SSBP4: variants seen among roughly 807,000 people sequenced by gnomAD.
SSBP4 encodes the protein single stranded DNA binding protein 4.
A neutral mutation model predicts 64.6 loss-of-function variants in SSBP4; 33 were observed. The ratio of observed to expected loss-of-function variants is 0.51; its 90% CI spans 0.39 to 0.68. SSBP4 has a LOEUF of 0.68. Ranked by LOEUF, SSBP4 falls within the 30% of genes least tolerant of loss-of-function variation. The pLI is 0.00. For synonymous variants in SSBP4, 243 were observed against 224.0 expected (o/e 1.08, Z -0.76); for missense variants, 583 against 566.8 (o/e 1.03, Z -0.29).
At chr19:18,403,064 C>T in the SSBP4 span, among the ~76,000 whole-genome samples, 1 of 152,222 alleles carries the variant, frequency 6.6e-6, no homozygotes. Context: ...GGAGGCGAGA[C>T]GTATTGGCAG....
intron 17 of SSBP4, 138 bp downstream of exon 17, chr19:18,433,955 CT>C: frequency 1.7e-6 from 2 of 1,207,178 alleles, no homozygotes; most frequent in Non-Finnish European, 2.1e-6. Context: ...CCGCGGCATC[CT>C]TTCCCTCTCC....
chr19:18,410,703 AG>A, the SSBP4 span, among the ~76,000 whole-genome samples: 1 of 151,730 alleles, frequency 6.6e-6, no homozygotes, highest in Non-Finnish European at 1.5e-5. Context: ...TTGGGGTCTT[AG>A]CTCAGGGAGG....
chr19:18,405,498 A>C, the SSBP4 span, among the ~76,000 whole-genome samples: 1 of 32,880 alleles, frequency 3.0e-5, no homozygotes, highest in East Asian at 3.0e-4. Context: ...CTGTCTCTAC[A>C]AAAAAAAAAA....
At chr19:18,405,852 G>A in the SSBP4 span, among the ~76,000 whole-genome samples, 86 of 152,180 alleles carry the variant, frequency 5.7e-4, no homozygotes, top group Non-Finnish European at 1.1e-3. Context: ...TTAGTTAAGC[G>A]TGGTGGCGTG....
Position 18,433,571 on chromosome 19 carries a change from G to C in SSBP4, c.992-14G>C, listed in dbSNP as rs771933761. 1.3e-6 allele frequency: 2 copies of C among 1,546,120 alleles called. No individual in the cohort carries two copies. The highest frequency in any genetic ancestry group is 1.7e-6 in the Non-Finnish European group (2 of 1,146,116). On this transcript the variant is annotated splice_polypyrimidine_tract_variant and intron_variant, in intron 15 of 17. Transcript: ENST00000270061. ...CACGTCTGAGCCGGTGCCCGTGTCT[G>C]TCCGTGTCTGTAGGCTCGGGCGACA...
chr19:18,410,276 G>A, the SSBP4 span, among the ~76,000 whole-genome samples: 1 of 152,088 alleles, frequency 6.6e-6, no homozygotes, highest in African/African-American at 2.4e-5. Flanking sequence ...GATTACAGGC[G>A]TGAGCCACCC....
intron 4 of SSBP4, among the ~76,000 whole-genome samples, chr19:18,429,025 C>A (rs1025031678): frequency 6.6e-6 from 1 of 152,110 alleles, no homozygotes; most frequent in African/African-American, 2.4e-5. Flanking sequence ...GAACGCGCTT[C>A]CCAGGCGCGC....
At chr19:18,419,118 TACA>T (rs1972243701), upstream of SSBP4, 1 of 985,514 alleles carries the variant, frequency 1.0e-6, no homozygotes, top group Middle Eastern at 5.2e-4. Flanking sequence ...TGGCTGGGTG[TACA>T]ACAATGTGGG....
In SSBP4 at chr19:18,434,000, C is replaced by A. The variant is rs906853619; in HGVS notation, c.1128+183C>A. ...TCCCCACCCCCCACCACCTCCCGCT[C>A]CTATTTCACCGTCCCGATCCCATCC... On this transcript the variant is annotated intron_variant, in intron 17 of 17. Coordinates refer to ENST00000270061, the MANE Select transcript of SSBP4 (RefSeq NM_032627.5). The A allele has an allele frequency of 1.2e-5, 14 of 1,214,484 alleles. No homozygotes were observed. The Admixed American group carries it at 4.4e-4, about 38-fold the overall frequency. 75.2% of individuals were successfully genotyped at this position (1,214,484 alleles called of 1,614,324 possible).
At position 18,434,328 on chromosome 19, in the gene SSBP4, C is replaced by T; in HGVS notation, c.*82C>T. 1 of 1,560,460 alleles carries T rather than the reference C, an allele frequency of 6.4e-7. No individual in the cohort carries two copies. On this transcript the variant is annotated 3_prime_UTR_variant, in exon 18 of 18. Transcript: ENST00000270061. ...TCAGGGCGAGGGGCTGAGGTCACAC[C>T]TCGGGCACCTGGACTCCTGGCCAAT...
intron 1 of SSBP4, among the ~76,000 whole-genome samples, chr19:18,424,922 G>A (rs1972738010): frequency 6.6e-6 from 1 of 151,968 alleles, no homozygotes; most frequent in African/African-American, 2.4e-5. Context: ...GCCTCTAGAT[G>A]TCAAGTGAAC....
intron 5 of SSBP4, 27 bp from the exon 6 acceptor site, chr19:18,431,326 C>G (rs778002250): frequency 3.0e-6 from 2 of 661,008 alleles, no homozygotes; most frequent in Middle Eastern, 3.4e-4. Flanking sequence ...CTCACTCCCC[C>G]CCACCCACCT....
At chr19:18,414,538 A>G (rs1293323616), upstream of SSBP4, among the ~76,000 whole-genome samples, 1 of 152,202 alleles carries the variant, frequency 6.6e-6, no homozygotes, top group East Asian at 1.9e-4. Flanking sequence ...GTCTGGAAGG[A>G]GGACATTACC....
At chr19:18,414,247 T>C (rs1972114465), upstream of SSBP4, among the ~76,000 whole-genome samples, 1 of 152,188 alleles carries the variant, frequency 6.6e-6, no homozygotes, top group African/African-American at 2.4e-5. Flanking sequence ...GGAAGCACTC[T>C]GATGGGTGGG....
At chr19:18,404,611 G>T in the SSBP4 span, among the ~76,000 whole-genome samples, 3 of 89,326 alleles carry the variant, frequency 3.4e-5, no homozygotes, top group Non-Finnish European at 6.8e-5. Flanking sequence ...AAAAAAAAAA[G>T]GCTGGGCGGG....
chr19:18,427,842 G>C lies in SSBP4; in HGVS notation c.194+29G>C. ...CGGGCTGGGCTGCTGTGGGTGGGCT[G>C]TGGAAGGGGGTTGAGGGAGGCACGT... On this transcript the variant is annotated intron_variant, in intron 3 of 17. Coordinates refer to ENST00000270061, the MANE Select transcript of SSBP4 (RefSeq NM_032627.5). This position sits in a 1 kb window ranked among gnomAD's most constrained non-coding sequence, Gnocchi z 4.4. 6.2e-7 allele frequency: 1 copy of C among 1,613,546 alleles called. No individual in the cohort carries two copies. Among genetic ancestry groups the C allele is most frequent in the East Asian group, 2.2e-5 (1 of 44,876 alleles).
Position 18,434,283 on chromosome 19 carries a change from C to T in SSBP4, c.*37C>T, listed in dbSNP as rs1973827926. 2.5e-6 allele frequency: 4 copies of T among 1,608,610 alleles called. No homozygotes were observed. Among genetic ancestry groups the T allele is most frequent in the Non-Finnish European group, 3.4e-6 (4 of 1,178,076 alleles). On this transcript the variant is annotated 3_prime_UTR_variant, in exon 18 of 18. Coordinates refer to ENST00000270061, the MANE Select transcript of SSBP4 (RefSeq NM_032627.5). The stretch of plus-strand genomic sequence containing the variant: ...CCCCGGGCCTCTCTGCGGGCCTAGG[C>T]TTCTGCCCAGCGCCCCTGCTCAGGG...
chr19:18,410,351 T>C, the SSBP4 span, among the ~76,000 whole-genome samples: 7 of 150,234 alleles, frequency 4.7e-5, no homozygotes, highest in Non-Finnish European at 5.9e-5. Context: ...AGGCTGGTAT[T>C]GAACTCCTGA....
At chr19:18,418,467 C>T (rs566562756), upstream of SSBP4, among the ~76,000 whole-genome samples, 1 of 152,344 alleles carries the variant, frequency 6.6e-6, no homozygotes, top group South Asian at 2.1e-4. The surrounding 1 kb of genome is among the most constrained non-coding windows in gnomAD (Gnocchi z 6.7). Context: ...AGGGCACCCA[C>T]TGCCTGCACC....
Sources: gnomAD v4.1 joint callset for allele counts (sites outside exome capture counted in the v4.1 genomes callset) on GRCh38, gnomAD v4.1.1 for gene constraint, Gnocchi (gnomAD v3.1) non-coding constraint, MANE v1.5 for transcripts, NCBI Gene and HGNC (gene_info 2026-07-23, HGNC 2026-07-21) for gene names.